Variants in QTMAN observed in about 807,000 individuals in gnomAD.
QTMAN encodes tRNA-queuosine alpha-mannosyltransferase.
At chr2:144,107,677 A>G in the QTMAN span, among the ~76,000 whole-genome samples, 6 of 152,348 alleles carry the variant, frequency 3.9e-5, no homozygotes, top group African/African-American at 1.4e-4. Context: ...CCAGAGGTAC[A>G]AGGAGGAGCT....
At chr2:143,964,854 T>C in the QTMAN span, among the ~76,000 whole-genome samples, 3 of 152,156 alleles carry the variant, frequency 2.0e-5, no homozygotes, top group Non-Finnish European at 4.4e-5. Flanking sequence ...GGTTTTTGGT[T>C]TCCTTGTAAC....
the QTMAN span, among the ~76,000 whole-genome samples, chr2:144,140,675 T>C: frequency 1.3e-5 from 2 of 152,032 alleles, no homozygotes; most frequent in Non-Finnish European, 1.5e-5. Flanking sequence ...ATTAACTGTT[T>C]TTGACAAATG....
the QTMAN span, among the ~76,000 whole-genome samples, chr2:143,958,718 C>G: frequency 6.7e-6 from 1 of 150,204 alleles, no homozygotes; most frequent in Admixed American, 6.6e-5. Flanking sequence ...CTTCCATACA[C>G]AGAACTTTTA....
chr2:144,320,321 A>G, the QTMAN span, among the ~76,000 whole-genome samples: 1 of 152,138 alleles, frequency 6.6e-6, no homozygotes, highest in African/African-American at 2.4e-5. Flanking sequence ...CCTGGCCTAA[A>G]TTATTTTTTT....
the QTMAN span, among the ~76,000 whole-genome samples, chr2:144,062,676 T>G: frequency 6.6e-6 from 1 of 152,218 alleles, no homozygotes; most frequent in Non-Finnish European, 1.5e-5. Flanking sequence ...CTGTCGACTT[T>G]ATTAACAACA....
chr2:144,034,830 G>A, the QTMAN span, among the ~76,000 whole-genome samples: 129 of 152,214 alleles, frequency 8.5e-4, no homozygotes, highest in African/African-American at 3.0e-3. Context: ...AGGAGTGGAG[G>A]GTTGGGAATG....
At chr2:144,177,362 G>A in the QTMAN span, 1 of 577,270 alleles carries the variant, frequency 1.7e-6, no homozygotes, top group Non-Finnish European at 3.1e-6. Flanking sequence ...TGTGGGGTTT[G>A]GGGGTAGTCA....
At chr2:144,157,091 G>T in the QTMAN span, among the ~76,000 whole-genome samples, 5 of 152,032 alleles carry the variant, frequency 3.3e-5, no homozygotes, top group African/African-American at 1.2e-4. Context: ...ACGTTTCAAT[G>T]AAAATGCTCT....
At chr2:144,029,420 G>A in the QTMAN span, among the ~76,000 whole-genome samples, 1 of 152,116 alleles carries the variant, frequency 6.6e-6, no homozygotes, top group African/African-American at 2.4e-5. Flanking sequence ...GTTCATGGTA[G>A]GGTTCTAAAA....
the QTMAN span, among the ~76,000 whole-genome samples, chr2:144,326,586 C>CA: frequency 0.042 from 1,801 of 42,848 alleles, 52 homozygotes; most frequent in African/African-American, 0.098. Context: ...GACTCCATCT[C>CA]AAAAAAAAAA....
the QTMAN span, among the ~76,000 whole-genome samples, chr2:143,956,770 G>A: frequency 6.6e-6 from 1 of 151,760 alleles, no homozygotes; most frequent in Non-Finnish European, 1.5e-5. Flanking sequence ...CATCCATCAT[G>A]CATTAATTTA....
the QTMAN span, among the ~76,000 whole-genome samples, chr2:144,071,279 T>C: frequency 5.3e-5 from 8 of 151,042 alleles, no homozygotes; most frequent in East Asian, 1.9e-4. Flanking sequence ...AGGAACAAAA[T>C]AGAGTTTCGA....
chr2:144,227,528 A>C, the QTMAN span, among the ~76,000 whole-genome samples: 1 of 152,190 alleles, frequency 6.6e-6, no homozygotes, highest in African/African-American at 2.4e-5. Context: ...TATATTTCTT[A>C]ATATCCATTC....
the QTMAN span, among the ~76,000 whole-genome samples, chr2:144,245,276 T>C: frequency 6.6e-6 from 1 of 152,216 alleles, no homozygotes; most frequent in African/African-American, 2.4e-5. Flanking sequence ...TCTTTTTAAG[T>C]ATAAATACAT....
the QTMAN span, among the ~76,000 whole-genome samples, chr2:144,054,638 C>T: frequency 6.6e-6 from 1 of 152,152 alleles, no homozygotes; most frequent in Non-Finnish European, 1.5e-5. Context: ...GGATGATGAA[C>T]CCCTGACCTG....
the QTMAN span, chr2:143,947,259 C>T: frequency 2.8e-5 from 19 of 688,652 alleles, no homozygotes; most frequent in Non-Finnish European, 4.6e-5. Context: ...TTCAAAAAGC[C>T]ACCAAGTAAA....
At chr2:144,103,827 C>T in the QTMAN span, among the ~76,000 whole-genome samples, 1 of 152,162 alleles carries the variant, frequency 6.6e-6, no homozygotes, top group Non-Finnish European at 1.5e-5. Context: ...GGGTGGCTCA[C>T]ACCTGTAATC....
chr2:143,983,684 A>G, the QTMAN span, among the ~76,000 whole-genome samples: 5 of 152,016 alleles, frequency 3.3e-5, no homozygotes, highest in African/African-American at 1.2e-4. Flanking sequence ...CGTGTTAGCC[A>G]TGATGGTCTG....
chr2:144,025,115 G>A, the QTMAN span, among the ~76,000 whole-genome samples: 1 of 152,226 alleles, frequency 6.6e-6, no homozygotes, highest in African/African-American at 2.4e-5. Flanking sequence ...ACCTCTGCAG[G>A]ACTTGCTAAA....
Sources: gnomAD v4.1 joint callset for allele counts (sites outside exome capture counted in the v4.1 genomes callset) on GRCh38, gnomAD v4.1.1 for gene constraint, MANE v1.5 for transcripts, NCBI Gene and HGNC (gene_info 2026-07-23, HGNC 2026-07-21) for gene names.